PLXNA4: variants seen among roughly 807,000 people sequenced by gnomAD.
PLXNA4 encodes the protein plexin A4, also known as plexin-A4.
A neutral mutation model predicts 191.8 loss-of-function variants in PLXNA4; 44 were observed. The observed-to-expected ratio is 0.23, with a 90% CI of 0.18 to 0.29. The LOEUF (loss-of-function observed/expected upper bound fraction) is 0.29. Ranked by LOEUF, PLXNA4 falls within the 10% of genes least tolerant of loss-of-function variation. The pLI, the probability that PLXNA4 is intolerant of heterozygous loss-of-function variation, is 1.00. For synonymous variants in PLXNA4, 1,082 were observed against 1,009.5 expected (o/e 1.07, Z -1.36); for missense variants, 1,800 against 2,488.8 (o/e 0.72, Z 5.89).
At chr7:132,363,906 GCA>G (rs1804050811) in intron 3 of PLXNA4, among the ~76,000 whole-genome samples, 1 of 152,272 alleles carries the variant, frequency 6.6e-6, no homozygotes, top group African/African-American at 2.4e-5. Context: ...CTGGCCAGGG[GCA>G]CATGGCAAAT....
chr7:132,629,950 T>C (rs1585416269), intron 2 of PLXNA4, among the ~76,000 whole-genome samples: 2 of 151,922 alleles, frequency 1.3e-5, no homozygotes, highest in African/African-American at 4.8e-5. Context: ...CCCGAGTTCA[T>C]GCCATTCTCC....
At chr7:132,550,545 G>A (rs1800515945) in intron 1 of PLXNA4, among the ~76,000 whole-genome samples, 2 of 152,198 alleles carry the variant, frequency 1.3e-5, no homozygotes, top group African/African-American at 4.8e-5. Flanking sequence ...AAGAGGATCT[G>A]AGCACAGCTC....
At chr7:132,600,345 T>G (rs1372229404) in intron 2 of PLXNA4, among the ~76,000 whole-genome samples, 1 of 152,178 alleles carries the variant, frequency 6.6e-6, no homozygotes, top group African/African-American at 2.4e-5. Flanking sequence ...ATTTTTGGTC[T>G]AATTATGATC....
At chr7:132,413,660 T>C (rs1267397723) in intron 3 of PLXNA4, among the ~76,000 whole-genome samples, 1 of 152,216 alleles carries the variant, frequency 6.6e-6, no homozygotes, top group East Asian at 1.9e-4. Flanking sequence ...CTGGTTTATG[T>C]GTGTGGCCCA....
At chr7:132,577,535 G>T (rs942724295), upstream of PLXNA4, among the ~76,000 whole-genome samples, 1 of 151,962 alleles carries the variant, frequency 6.6e-6, no homozygotes, top group African/African-American at 2.4e-5. Context: ...GGCAGAGGGG[G>T]CAGGGGGCGC....
At chr7:132,156,661 G>A (rs1795807431) in intron 25 of PLXNA4, among the ~76,000 whole-genome samples, 1 of 152,232 alleles carries the variant, frequency 6.6e-6, no homozygotes, top group African/African-American at 2.4e-5. Context: ...GGCTGAGTGA[G>A]TGCCAATGTG....
chr7:132,293,680 GCA>G (rs1800974121), intron 4 of PLXNA4, among the ~76,000 whole-genome samples: 1 of 152,182 alleles, frequency 6.6e-6, no homozygotes, highest in African/African-American at 2.4e-5. Flanking sequence ...ACAGCATAAA[GCA>G]CACATTTTCT....
intron 4 of PLXNA4, among the ~76,000 whole-genome samples, chr7:132,272,048 T>G (rs55675608): frequency 6.6e-6 from 1 of 152,092 alleles, no homozygotes; most frequent in African/African-American, 2.4e-5. Flanking sequence ...AGACACTTGT[T>G]ACCAGGAGGA....
chr7:132,211,819 G>A lies in PLXNA4; in HGVS notation c.2098-676C>T, dbSNP rs551964480. On this transcript the variant is annotated intron_variant, in intron 9 of 31. Coordinates refer to ENST00000321063, the MANE Select transcript of PLXNA4 (RefSeq NM_020911.2). ...GCTAGCAATGGGCACACTTAGCCCT[G>A]GAGCCACAGGAGCCCAGATGGCCTT... Among the ~76,000 whole-genome samples the A allele has an allele frequency of 1.6e-4, 24 of 152,330 alleles. No individual in the cohort carries two copies. In the East Asian group the frequency reaches 4.2e-3, roughly 27 times the overall value.
intron 22 of PLXNA4, among the ~76,000 whole-genome samples, chr7:132,167,934 C>T (rs953020617): frequency 2.0e-5 from 3 of 152,188 alleles, no homozygotes; most frequent in African/African-American, 7.2e-5. Context: ...GGTCTTCTCT[C>T]CTAGTCCAAC....
At chr7:132,533,819 G>T (rs1799722586) in intron 1 of PLXNA4, among the ~76,000 whole-genome samples, 1 of 152,122 alleles carries the variant, frequency 6.6e-6, no homozygotes, top group African/African-American at 2.4e-5. Context: ...CCTTGAACAA[G>T]GCCACCTCAT....
chr7:132,298,313 G>C lies in PLXNA4; in HGVS notation c.1372-91C>G, dbSNP rs761439814. Reference sequence around the variant, plus strand: ...CCAAAGACCCTGTCAACAGCCAAGGGAGAGGGCATGAGTTCTGTCTCCACA... The same window carrying C: ...CCAAAGACCCTGTCAACAGCCAAGGCAGAGGGCATGAGTTCTGTCTCCACA... On this transcript the variant is annotated intron_variant, in intron 3 of 31. Transcript: ENST00000321063. 16 of 1,481,136 alleles carry C rather than the reference G, an allele frequency of 1.1e-5. No individual in the cohort carries two copies. In the African/African-American group the frequency reaches 1.5e-4, roughly 14 times the overall value. The allele number at this position is 1,481,136 out of a possible 1,614,324, so 91.7% of individuals were successfully genotyped here.
intron 27 of PLXNA4, 31 bp downstream of exon 27, chr7:132,147,869 G>A (rs1476513705): frequency 6.2e-7 from 1 of 1,613,486 alleles, no homozygotes; most frequent in South Asian, 1.1e-5. Context: ...AGGACACCCA[G>A]GCCTCCCTAG....
intron 4 of PLXNA4, among the ~76,000 whole-genome samples, chr7:132,285,116 T>G (rs978057056): frequency 2.6e-5 from 4 of 152,266 alleles, no homozygotes; most frequent in African/African-American, 9.6e-5. Context: ...GTTGTCATTA[T>G]GTGCCAGGCA....
intron 2 of PLXNA4, among the ~76,000 whole-genome samples, chr7:132,590,993 C>A (rs1444461369): frequency 2.6e-5 from 4 of 152,128 alleles, no homozygotes; most frequent in Non-Finnish European, 5.9e-5. Flanking sequence ...TCCCTTCTGA[C>A]AGCAAGTGAA....
chr7:132,281,252 C>T lies in PLXNA4; in HGVS notation c.1503+16839G>A, dbSNP rs537461464. On this transcript the variant is annotated intron_variant, in intron 4 of 31. Transcript: ENST00000321063. Reference sequence around the variant, plus strand: ...AACTGAAAAGGACACCTCACATAGACGCAGAGATGCAAAAAAGTGCATTGT... The same window carrying T: ...AACTGAAAAGGACACCTCACATAGATGCAGAGATGCAAAAAAGTGCATTGT... 7.9e-5 allele frequency among the ~76,000 whole-genome samples: 12 copies of T among 152,140 alleles called. No individual in the cohort carries two copies. The South Asian group carries it at 1.2e-3, about 16-fold the overall frequency.
chr7:132,295,849 G>A lies in PLXNA4; in HGVS notation c.1503+2242C>T, dbSNP rs559774704. 2.1e-4 allele frequency among the ~76,000 whole-genome samples: 32 copies of A among 152,276 alleles called. No individual in the cohort carries two copies. The South Asian group carries it at 6.0e-3, about 29-fold the overall frequency. ...AAGCACTTACTCTGTGCCAGCCATG[G>A]TTCTAAGCTTATTATATGCCTATCT... is the stretch of plus-strand genomic sequence containing the variant. On this transcript the variant is annotated intron_variant, in intron 4 of 31. Coordinates refer to ENST00000321063, the MANE Select transcript of PLXNA4 (RefSeq NM_020911.2).
At chr7:132,422,688 G>C (rs548122393) in intron 3 of PLXNA4, among the ~76,000 whole-genome samples, 8 of 152,338 alleles carry the variant, frequency 5.3e-5, no homozygotes, top group African/African-American at 1.9e-4. Context: ...TTGTCTATTA[G>C]GTTTGCAGAG....
intron 13 of PLXNA4, among the ~76,000 whole-genome samples, chr7:132,194,524 T>C (rs982561333): frequency 6.6e-6 from 1 of 152,024 alleles, no homozygotes; most frequent in Non-Finnish European, 1.5e-5. Context: ...GCTGGCAGAG[T>C]CCAGAGAGGC....
Sources: gnomAD v4.1 joint callset for allele counts (sites outside exome capture counted in the v4.1 genomes callset) on GRCh38, gnomAD v4.1.1 for gene constraint, MANE v1.5 for transcripts, NCBI Gene and HGNC (gene_info 2026-07-23, HGNC 2026-07-21) for gene names.